The following SNX27 variants were observed in gnomAD, a reference collection of about 807,000 sequenced individuals.
The protein encoded by SNX27 is sorting nexin-27.
SNX27 carries 22 observed loss-of-function variants against 71.6 expected under a neutral mutation model. The ratio of observed to expected loss-of-function variants is 0.31; its 90% CI spans 0.22 to 0.44. The LOEUF is 0.44. SNX27 is among the 20% of genes least tolerant of loss of function. The pLI, the probability that SNX27 is intolerant of heterozygous loss-of-function variation, is 1.00. For missense variants in SNX27, 531 were observed against 698.6 expected (o/e 0.76, Z 2.70); for synonymous variants, 269 against 277.2 (o/e 0.97, Z 0.29).
At chr1:151,679,682 A>G (rs574869984) in intron 7 of SNX27, 1 of 152,236 alleles carries the variant, frequency 6.6e-6, no homozygotes, top group Non-Finnish European at 1.5e-5. Context: ...GAGGAAATAA[A>G]AAATTTTGCA....
At position 151,665,939 on chromosome 1, in the gene SNX27, G is replaced by T. The variant is rs778236794; in HGVS notation, c.913G>T (p.Ala305Ser). The change falls in exon 6 of 12, where the codon GCA becomes TCA. Residue 305 changes from alanine (A) to serine (S), a missense_variant. By Grantham distance (99) the Ala-to-Ser change is moderately conservative. Around this residue, in one of 5 missense-constraint regions of SNX27, gnomAD observed 184 missense variants for 289.6 expected, o/e 0.64. Coordinates refer to ENST00000458013, the MANE Select transcript of SNX27 (RefSeq NM_001330723.2). ...CTATCCTGTTTAACCTTAGGCTATCGCAGCAAAGGTTGGCATGGACAGTAC... is the reference window on the plus strand; with the variant it reads ...CTATCCTGTTTAACCTTAGGCTATCTCAGCAAAGGTTGGCATGGACAGTAC... The part of the protein sequence containing the change: ...STTDQVYQAI[A>S]AKVGMDSTTV... 1 of 1,596,852 alleles carries T rather than the reference G, an allele frequency of 6.3e-7. No homozygotes were observed.
intron 1 of SNX27, chr1:151,613,829 G>C (rs1276696764): frequency 6.6e-6 from 1 of 152,138 alleles, no homozygotes; most frequent in Non-Finnish European, 1.5e-5. Context: ...GTTCTCCTCA[G>C]CAGTCTTCAG....
rs2102677040 is a variant in SNX27 at position 151,658,400 on chromosome 1, C to T, written c.709C>T (p.Arg237Trp). 3 of 1,613,926 alleles carry T rather than the reference C, an allele frequency of 1.9e-6. No homozygotes were observed. The highest frequency in any genetic ancestry group is 2.5e-6 in the Non-Finnish European group (3 of 1,179,962). ...AGAACAACAATTAGATGCCCGACGT[C>T]GGGGATTGGAAGAATATCTAGAAAA... is the stretch of plus-strand genomic sequence containing the variant. ...LSEQQLDARR[R>W]GLEEYLEKVC... The change falls in exon 3 of 12, where the codon CGG becomes TGG. Residue 237 changes from arginine (R) to tryptophan (W), a missense_variant. Physicochemically the swap from Arg to Trp is moderately radical, Grantham distance 101. This residue lies in a region of SNX27 where 184 missense variants were observed against 289.6 expected (regional missense o/e 0.64). Coordinates refer to ENST00000458013, the MANE Select transcript of SNX27 (RefSeq NM_001330723.2).
At position 151,621,048 on chromosome 1, in the gene SNX27, G is replaced by A. The variant is rs540572997; in HGVS notation, c.311+8536G>A. 2.0e-5 allele frequency among the ~76,000 whole-genome samples: 3 copies of A among 152,286 alleles called. No homozygotes were observed. The South Asian group carries it at 6.2e-4, about 32-fold the overall frequency. Reference sequence around the variant, plus strand: ...TGGCATACAGCATGTTGGGAGCTGAGTGGACTGAAGACGGGGGGGAAACTT... The same window carrying A: ...TGGCATACAGCATGTTGGGAGCTGAATGGACTGAAGACGGGGGGGAAACTT... On this transcript the variant is annotated intron_variant, in intron 1 of 11. Transcript: ENST00000458013.
chr1:151,690,963 C>T (rs145505524), intron 8 of SNX27, among the ~76,000 whole-genome samples: 1 of 152,200 alleles, frequency 6.6e-6, no homozygotes, highest in African/African-American at 2.4e-5. Context: ...CTCTGTGTTT[C>T]AGGCATTGCT....
In SNX27 at chr1:151,684,418, G is replaced by A. The variant is rs74955297; in HGVS notation, c.1239+973G>A. On this transcript the variant is annotated intron_variant, in intron 8 of 11. Coordinates refer to ENST00000458013, the MANE Select transcript of SNX27 (RefSeq NM_001330723.2). ...TTTCATCATCACTGAAAGTTTTGCC[G>A]AACAGGGCTGCCTAGAGTATTCCTT... Among the ~76,000 whole-genome samples, 4,403 of 152,228 alleles carry A rather than the reference G, an allele frequency of 0.029. 520 individuals are homozygous for A. In the East Asian group the frequency reaches 0.34, roughly 12 times the overall value.
Position 151,644,200 on chromosome 1 carries a change from T to C in SNX27, c.543+5081T>C, listed in dbSNP as rs188591454. ...TGATTTCAACTTCTTACATGTCTTATGACTCAAAGTTAGCACTTTTGAAGC... is the reference window on the plus strand; with the variant it reads ...TGATTTCAACTTCTTACATGTCTTACGACTCAAAGTTAGCACTTTTGAAGC... On this transcript the variant is annotated intron_variant, in intron 2 of 11. Coordinates refer to ENST00000458013, the MANE Select transcript of SNX27 (RefSeq NM_001330723.2). 1.6e-3 allele frequency among the ~76,000 whole-genome samples: 248 copies of C among 152,384 alleles called. 1 individual carries two copies. The highest frequency in any genetic ancestry group is 2.7e-3 in the Non-Finnish European group (184 of 68,036).
intron 8 of SNX27, among the ~76,000 whole-genome samples, chr1:151,687,613 T>C (rs1671237481): frequency 6.6e-6 from 1 of 152,106 alleles, no homozygotes; most frequent in Non-Finnish European, 1.5e-5. Context: ...CTTGACCCAT[T>C]CACCTAAAGT....
chr1:151,678,795 C>T (rs1670813239), intron 7 of SNX27: 1 of 152,146 alleles, frequency 6.6e-6, no homozygotes, highest in African/African-American at 2.4e-5. Flanking sequence ...CTCACTCCAA[C>T]CCGTGCCTCC....
chr1:151,617,434 ACG>A (rs1045715228), intron 1 of SNX27, among the ~76,000 whole-genome samples: 53 of 152,020 alleles, frequency 3.5e-4, no homozygotes, highest in African/African-American at 1.3e-3. Flanking sequence ...ATGTGCCACC[ACG>A]CCCATCTAAT....
Position 151,697,524 on chromosome 1 carries a change from AC to A in SNX27, c.*3110del, listed in dbSNP as rs1448731300. ...TTTGAAAGTGTCCCAGTAACAACGC[AC>A]CCAGCTGCAGCAAGGAGGTGGGGAA... On this transcript the variant is annotated 3_prime_UTR_variant, in exon 12 of 12. Coordinates refer to ENST00000458013, the MANE Select transcript of SNX27 (RefSeq NM_001330723.2). 6.5e-6 allele frequency: 1 copy of A among 152,714 alleles called. No individual in the cohort carries two copies. Among genetic ancestry groups the A allele is most frequent in the Admixed American group, 6.5e-5 (1 of 15,272 alleles). The allele number at this position is 152,714 out of a possible 1,614,324, so 9.5% of individuals were successfully genotyped here.
At chr1:151,665,615 T>C (rs1670154746) in intron 5 of SNX27, among the ~76,000 whole-genome samples, 1 of 152,160 alleles carries the variant, frequency 6.6e-6, no homozygotes, top group South Asian at 2.1e-4. Flanking sequence ...TAGAATGAAG[T>C]TATTTTAGAG....
intron 8 of SNX27, among the ~76,000 whole-genome samples, chr1:151,689,122 G>A (rs1571876044): frequency 6.6e-6 from 1 of 152,168 alleles, no homozygotes; most frequent in Non-Finnish European, 1.5e-5. Context: ...GGGACGGACA[G>A]GGCATGTATT....
intron 1 of SNX27, chr1:151,615,805 G>A (rs1403101586): frequency 1.0e-6 from 1 of 984,718 alleles, no homozygotes; most frequent in Non-Finnish European, 1.2e-6. Context: ...ACTGACAGTG[G>A]TGTGAAAGAA....
intron 9 of SNX27, 23 bp downstream of exon 9, chr1:151,692,607 T>C (rs775988733): frequency 6.2e-7 from 1 of 1,604,892 alleles, no homozygotes; most frequent in South Asian, 1.1e-5. Flanking sequence ...CATAGGGCTC[T>C]GGCTGCGAGG....
intron 7 of SNX27, among the ~76,000 whole-genome samples, chr1:151,675,278 A>G (rs1348365277): frequency 3.9e-5 from 6 of 151,924 alleles, no homozygotes; most frequent in Non-Finnish European, 8.8e-5. Context: ...ATGGGGTTTT[A>G]GGAGGAAGTA....
intron 2 of SNX27, among the ~76,000 whole-genome samples, chr1:151,651,037 A>G (rs1270221147): frequency 2.6e-5 from 4 of 151,944 alleles, no homozygotes; most frequent in African/African-American, 9.7e-5. Flanking sequence ...CGATTTCTCA[A>G]TCTTTTCCCC....
At chr1:151,683,727 C>T (rs999354353) in intron 8 of SNX27, among the ~76,000 whole-genome samples, 19 of 152,096 alleles carry the variant, frequency 1.2e-4, no homozygotes, top group Non-Finnish European at 1.5e-5. Context: ...AGTGCAGTGT[C>T]GCGATCTAGG....
Position 151,633,717 on chromosome 1 carries a change from G to A in SNX27, c.312-5171G>A, listed in dbSNP as rs374102372. On this transcript the variant is annotated intron_variant, in intron 1 of 11. Coordinates refer to ENST00000458013, the MANE Select transcript of SNX27 (RefSeq NM_001330723.2). ...ACTTCAAATAAATGGAGTCAAATGA[G>A]TCGGATTCTTTTCTGTCTCACTTTC... Among the ~76,000 whole-genome samples the A allele has an allele frequency of 1.8e-4, 27 of 152,288 alleles. No individual in the cohort carries two copies. In the East Asian group the frequency reaches 3.9e-3, roughly 22 times the overall value.
Sources: gnomAD v4.1 joint callset for allele counts (sites outside exome capture counted in the v4.1 genomes callset) on GRCh38, gnomAD v4.1.1 for gene constraint, gnomAD v4.1.1 regional missense constraint, MANE v1.5 for transcripts, NCBI Gene and HGNC (gene_info 2026-07-23, HGNC 2026-07-21) for gene names.